Variants in MAP1B observed in about 807,000 individuals in gnomAD.
The protein encoded by MAP1B is microtubule associated protein 1B.
Under a neutral mutation model 176.1 loss-of-function variants are expected in MAP1B, and 12 were observed. That is an observed-to-expected ratio of 0.07 (90% CI 0.04 to 0.11). MAP1B has a LOEUF of 0.11. Ranked by LOEUF, MAP1B falls within the 10% of genes least tolerant of loss-of-function variation. The pLI, the probability that MAP1B is intolerant of heterozygous loss-of-function variation, is 1.00. For synonymous variants in MAP1B, 1,044 were observed against 1,135.0 expected (o/e 0.92, Z 1.61); for missense variants, 2,523 against 2,990.5 (o/e 0.84, Z 3.65).
chr5:72,185,659 C>T (rs780039170), intron 3 of MAP1B, among the ~76,000 whole-genome samples: 5 of 151,188 alleles, frequency 3.3e-5, no homozygotes, highest in African/African-American at 7.3e-5. Context: ...GCAAACTGCC[C>T]GGAAGAGTTG....
At chr5:72,192,610 G>C (rs2112228938) in intron 4 of MAP1B, among the ~76,000 whole-genome samples, 3 of 152,324 alleles carry the variant, frequency 2.0e-5, no homozygotes, top group Middle Eastern at 6.8e-3. Flanking sequence ...GGAGATAGAG[G>C]AAACTAATCT....
Position 72,150,935 on chromosome 5 carries a change from G to A in MAP1B, c.287-32808G>A, listed in dbSNP as rs139910073. On this transcript the variant is annotated intron_variant, in intron 2 of 6. Coordinates refer to ENST00000296755, the MANE Select transcript of MAP1B (RefSeq NM_005909.5). ...GGAGGTGATGCACAGCAGAGTTAGCGGGCAGCTGTTGAGTGCCATGTTTAC... is the reference window on the plus strand; with the variant it reads ...GGAGGTGATGCACAGCAGAGTTAGCAGGCAGCTGTTGAGTGCCATGTTTAC... Among the ~76,000 whole-genome samples the A allele has an allele frequency of 6.1e-3, 929 of 152,252 alleles. 7 individuals are homozygous for A. The highest frequency in any genetic ancestry group is 0.022 in the African/African-American group (897 of 41,532).
rs1424438628 is a variant in MAP1B at position 72,198,229 on chromosome 5, C to T, written c.4874C>T (p.Ser1625Phe). Residue 1625 changes from serine (S) to phenylalanine (F), a missense_variant, in exon 5 of 7, where the codon TCC becomes TTC. This residue lies in a region of MAP1B where 1,925 missense variants were observed against 2,126.0 expected (regional missense o/e 0.91). Coordinates refer to ENST00000296755, the MANE Select transcript of MAP1B (RefSeq NM_005909.5). Reference sequence around the variant, plus strand: ...ATGTCAATTTCTCCACCAGATTTCTCCCCTAAAACTGCAAAGTCCAGGACA... The same window carrying T: ...ATGTCAATTTCTCCACCAGATTTCTTCCCTAAAACTGCAAAGTCCAGGACA... ...RPMSISPPDF[S>F]PKTAKSRTPV... 1.9e-6 allele frequency: 3 copies of T among 1,614,214 alleles called. No individual in the cohort carries two copies. In the Admixed American group the frequency reaches 5.0e-5, roughly 27 times the overall value.
chr5:72,116,513 G>A, intron 2 of MAP1B: 1 of 381,782 alleles, frequency 2.6e-6, no homozygotes, highest in Non-Finnish European at 5.0e-6. Context: ...CACCTTCCTG[G>A]GGCTATGATC....
intron 2 of MAP1B, among the ~76,000 whole-genome samples, chr5:72,143,731 TG>T (rs1193120775): frequency 6.6e-6 from 1 of 152,200 alleles, no homozygotes; most frequent in Non-Finnish European, 1.5e-5. Flanking sequence ...TGGTTCCTTC[TG>T]GGGGTACTGA....
Position 72,208,897 on chromosome 5 carries a change from T to A in MAP1B, c.*3658T>A, listed in dbSNP as rs1747510853. ...ATTGTGAGTTAGGATAATAACTTTT[T>A]TTTTTTGTGCTTCAGATTTAGAAGA... On this transcript the variant is annotated 3_prime_UTR_variant, in exon 7 of 7. Transcript: ENST00000296755. 1 of 152,222 alleles carries A rather than the reference T, an allele frequency of 6.6e-6. No individual in the cohort carries two copies. Among genetic ancestry groups the A allele is most frequent in the Admixed American group, 6.5e-5 (1 of 15,282 alleles). The allele number at this position is 152,222 out of a possible 1,614,324, so 9.4% of individuals were successfully genotyped here. A position where few individuals can be genotyped will look rare whatever the true frequency, so the allele number is the denominator to read the frequency against.
chr5:72,203,707 T>C lies in MAP1B; in HGVS notation c.7157T>C (p.Val2386Ala). The change falls in exon 6 of 7, where the codon GTG becomes GCG. Residue 2386 changes from valine (V) to alanine (A), a missense_variant. Val to Ala is a moderately conservative substitution (Grantham distance 64, BLOSUM62 0). Coordinates refer to ENST00000296755, the MANE Select transcript of MAP1B (RefSeq NM_005909.5). ...AAGAGAGTGCGGTCTTCCTACTACG[T>C]GGTGAGTGGGAATGACCCTGCTGCT... ...FFKRVRSSYYVVSGNDPAAEE... is the reference protein window; with the variant it reads ...FFKRVRSSYYAVSGNDPAAEE... 1 of 1,613,952 alleles carries C rather than the reference T, an allele frequency of 6.2e-7. No homozygotes were observed. The highest frequency in any genetic ancestry group is 1.1e-5 in the South Asian group (1 of 91,056).
At position 72,115,807 on chromosome 5, in the gene MAP1B, T is replaced by C. The variant is rs1212512142; in HGVS notation, c.286+8T>C. On this transcript the variant is annotated splice_region_variant and intron_variant, in intron 2 of 6. Transcript: ENST00000296755. ...TCTCTCCTGAAGTCCCAGGTGAGGC[T>C]TCCGCTCAGTGTTGGTCAGCCTAGA... The C allele has an allele frequency of 6.3e-7, 1 of 1,589,272 alleles. No homozygotes were observed. Among genetic ancestry groups the C allele is most frequent in the Admixed American group, 1.7e-5 (1 of 59,974 alleles).
At position 72,197,113 on chromosome 5, in the gene MAP1B, C is replaced by A. The variant is rs991972271; in HGVS notation, c.3758C>A (p.Pro1253Gln). The change falls in exon 5 of 7, where the codon CCA becomes CAA. Residue 1253 changes from proline to glutamine, a missense_variant. Around this residue, in one of 4 missense-constraint regions of MAP1B, gnomAD observed 1,925 missense variants for 2,126.0 expected, o/e 0.91. Coordinates refer to ENST00000296755, the MANE Select transcript of MAP1B (RefSeq NM_005909.5). Reference sequence around the variant, plus strand: ...GCTGTTTCAAGTGAAAAGGTCAGCCCATCGAAGAGCCCGTCCCTGAGTCCA... The same window carrying A: ...GCTGTTTCAAGTGAAAAGGTCAGCCAATCGAAGAGCCCGTCCCTGAGTCCA... ...ISAVSSEKVS[P>Q]SKSPSLSPSP... 5.0e-6 allele frequency: 8 copies of A among 1,614,214 alleles called. No individual in the cohort carries two copies. The highest frequency in any genetic ancestry group is 1.7e-5 in the Admixed American group (1 of 60,022).
Position 72,205,070 on chromosome 5 carries a change from T to C in MAP1B, c.7252-14T>C. 2 of 1,585,168 alleles carry C rather than the reference T, an allele frequency of 1.3e-6. No individual in the cohort carries two copies. Among genetic ancestry groups the C allele is most frequent in the South Asian group, 1.2e-5 (1 of 85,350 alleles). ...CTGCCCTTAAATAGCTATTTTTTTT[T>C]TCTCTCCCTGCAGGTGACACTGATC... On this transcript the variant is annotated splice_polypyrimidine_tract_variant and intron_variant, in intron 6 of 6. Coordinates refer to ENST00000296755, the MANE Select transcript of MAP1B (RefSeq NM_005909.5).
chr5:72,191,549 C>T (rs1475201774), intron 4 of MAP1B, among the ~76,000 whole-genome samples: 1 of 152,186 alleles, frequency 6.6e-6, no homozygotes, highest in African/African-American at 2.4e-5. Flanking sequence ...TTGTGTAGTT[C>T]CAAGGATGTA....
intron 1 of MAP1B, among the ~76,000 whole-genome samples, chr5:72,110,090 G>C (rs1006767004): frequency 3.3e-5 from 5 of 152,162 alleles, no homozygotes; most frequent in African/African-American, 1.2e-4. Context: ...AAATTCGGTT[G>C]AAGTATTATA....
intron 5 of MAP1B, among the ~76,000 whole-genome samples, chr5:72,201,347 A>G (rs1261815970): frequency 6.6e-6 from 1 of 152,258 alleles, no homozygotes; most frequent in Non-Finnish European, 1.5e-5. Context: ...CTGCATGCCA[A>G]GCCTGGGTGA....
chr5:72,142,697 A>G (rs1245895167), intron 2 of MAP1B, among the ~76,000 whole-genome samples: 1 of 152,002 alleles, frequency 6.6e-6, no homozygotes, highest in African/African-American at 2.4e-5. Flanking sequence ...CTCCCCAAGT[A>G]GAACAAGAAA....
intron 2 of MAP1B, among the ~76,000 whole-genome samples, chr5:72,182,475 T>C (rs1474275120): frequency 6.6e-6 from 1 of 152,238 alleles, no homozygotes. Flanking sequence ...CAATCATCAA[T>C]AGATGGACAT....
At chr5:72,132,504 C>T (rs1745753036) in intron 2 of MAP1B, among the ~76,000 whole-genome samples, 1 of 152,204 alleles carries the variant, frequency 6.6e-6, no homozygotes, top group Admixed American at 6.5e-5. Context: ...TCTAGGAGAA[C>T]ATTTCACATT....
chr5:72,148,516 G>T (rs1378764343), intron 2 of MAP1B, among the ~76,000 whole-genome samples: 1 of 152,244 alleles, frequency 6.6e-6, no homozygotes, highest in Non-Finnish European at 1.5e-5. Context: ...TAGGGCAGGG[G>T]TTGCACTTAT....
At chr5:72,176,724 G>A (rs770309468) in intron 2 of MAP1B, among the ~76,000 whole-genome samples, 8 of 152,162 alleles carry the variant, frequency 5.3e-5, no homozygotes, top group Non-Finnish European at 8.8e-5. Context: ...CACATAGAAC[G>A]TGCTCCAATG....
intron 1 of MAP1B, among the ~76,000 whole-genome samples, chr5:72,110,915 G>A (rs1745321957): frequency 6.6e-6 from 1 of 152,182 alleles, no homozygotes; most frequent in African/African-American, 2.4e-5. Flanking sequence ...TGAAACCAGG[G>A]AAGAGAGATG....
Sources: gnomAD v4.1 joint callset for allele counts (sites outside exome capture counted in the v4.1 genomes callset) on GRCh38, gnomAD v4.1.1 for gene constraint, gnomAD v4.1.1 regional missense constraint, MANE v1.5 for transcripts, NCBI Gene and HGNC (gene_info 2026-07-23, HGNC 2026-07-21) for gene names.